Variants in IL4R observed in about 807,000 individuals in gnomAD.
IL4R encodes interleukin 4 receptor.
In IL4R, 17 loss-of-function variants were observed where a neutral mutation model predicts 41.5. That is an observed-to-expected ratio of 0.41 (90% CI 0.28 to 0.61). The LOEUF is 0.61. Among genes scored for constraint, IL4R ranks in the 20% least tolerant of loss-of-function variants. The pLI is 0.31. For synonymous variants in IL4R, 402 were observed against 422.9 expected (o/e 0.95, Z 0.61); for missense variants, 974 against 1,043.1 (o/e 0.93, Z 0.91).
At chr16:27,314,098 G>T in intron 1 of IL4R, 78 bp downstream of exon 1, 1 of 984,970 alleles carries the variant, frequency 1.0e-6, no homozygotes, top group Non-Finnish European at 1.2e-6. Context: ...TTCGGGAAGG[G>T]CTCGGCCGCC....
At chr16:27,322,742 C>G (rs1036938429) in intron 1 of IL4R, among the ~76,000 whole-genome samples, 10 of 152,116 alleles carry the variant, frequency 6.6e-5, no homozygotes, top group African/African-American at 2.2e-4. Context: ...TCCACCTTCT[C>G]TCTTCTAATA....
Position 27,352,592 on chromosome 16 carries a change from G to A in IL4R, c.566G>A (p.Ser189Asn), listed in dbSNP as rs746758355. Reference protein sequence around the residue: ...YLEPSLRIAASTLKSGISYRA... With the variant: ...YLEPSLRIAANTLKSGISYRA... ...GAACCCTCCCTCCGCATCGCAGCCA[G>A]CACCCTGAAGTCTGGGATTTCCTAC... The change falls in exon 7 of 11, where the codon AGC becomes AAC. Residue 189 changes from serine (S) to asparagine (N), a missense_variant. Ser to Asn is a conservative substitution (Grantham distance 46). Coordinates refer to ENST00000395762, the MANE Select transcript of IL4R (RefSeq NM_000418.4). The A allele has an allele frequency of 3.7e-6, 6 of 1,614,072 alleles. No individual in the cohort carries two copies. Among genetic ancestry groups the A allele is most frequent in the East Asian group, 2.2e-5 (1 of 44,884 alleles).
Position 27,357,228 on chromosome 16 carries a change from A to G in IL4R, c.770+1321A>G, listed in dbSNP as rs981377454. 3.9e-5 allele frequency among the ~76,000 whole-genome samples: 6 copies of G among 152,088 alleles called. No individual in the cohort carries two copies. The South Asian group carries it at 1.2e-3, about 32-fold the overall frequency. ...TCACCTGTACCTCTTCCCACTCCCCATCACTATATCCCAGCATGCCAGCCT... is the reference window on the plus strand; with the variant it reads ...TCACCTGTACCTCTTCCCACTCCCCGTCACTATATCCCAGCATGCCAGCCT... On this transcript the variant is annotated intron_variant, in intron 8 of 10. Coordinates refer to ENST00000395762, the MANE Select transcript of IL4R (RefSeq NM_000418.4).
At chr16:27,354,367 C>A (rs1293049592) in intron 7 of IL4R, among the ~76,000 whole-genome samples, 1 of 152,170 alleles carries the variant, frequency 6.6e-6, no homozygotes, top group African/African-American at 2.4e-5. Flanking sequence ...CACTGTCTTA[C>A]ATAAAGCAGG....
upstream of IL4R, chr16:27,313,806 C>CGGCGG: frequency 3.3e-6 from 2 of 610,416 alleles, no homozygotes; most frequent in Non-Finnish European, 4.1e-6. Context: ...GGGACAGCGA[C>CGGCGG]AGGGGCGCGA....
Position 27,364,021 on chromosome 16 carries a change from T to A in IL4R, c.*191T>A. On this transcript the variant is annotated 3_prime_UTR_variant, in exon 11 of 11. Transcript: ENST00000395762. ...GCAGAGACTGGACCCCGCCCAGCAT[T>A]GGGCTGGGCTCGCCACATCCCATGA... 1 of 647,104 alleles carries A rather than the reference T, an allele frequency of 1.5e-6. No individual in the cohort carries two copies. The highest frequency in any genetic ancestry group is 2.6e-6 in the Non-Finnish European group (1 of 381,914). The allele number at this position is 647,104 out of a possible 1,614,324, so 40.1% of individuals were successfully genotyped here. A position where few individuals can be genotyped will look rare whatever the true frequency, so the allele number is the denominator to read the frequency against.
At chr16:27,352,832 C>CCA in intron 7 of IL4R, 136 bp downstream of exon 7, 1 of 874,674 alleles carries the variant, frequency 1.1e-6, no homozygotes, top group Non-Finnish European at 1.8e-6. Flanking sequence ...ATTAGATACA[C>CCA]CTGCCGTGGT....
chr16:27,316,745 G>A (rs961771262), intron 1 of IL4R, among the ~76,000 whole-genome samples: 3 of 152,168 alleles, frequency 2.0e-5, no homozygotes, highest in African/African-American at 7.2e-5. Context: ...TGCTGGCTTT[G>A]CTGCTTACTG....
In IL4R at chr16:27,340,309, T is replaced by C; in HGVS notation, c.70+36T>C. The C allele has an allele frequency of 1.9e-6, 3 of 1,540,220 alleles. No individual in the cohort carries two copies. In the Middle Eastern group the frequency reaches 5.0e-4, roughly 259 times the overall value. On this transcript the variant is annotated intron_variant, in intron 3 of 10. Coordinates refer to ENST00000395762, the MANE Select transcript of IL4R (RefSeq NM_000418.4). ...ACTTCTCAATCATTCATTTGTTGGCTATTAATGGCGTGCCAGGGTCCTGCA... is the reference window on the plus strand; with the variant it reads ...ACTTCTCAATCATTCATTTGTTGGCCATTAATGGCGTGCCAGGGTCCTGCA...
At chr16:27,362,118 C>A in intron 10 of IL4R, 134 bp from the exon 11 acceptor site, 1 of 849,896 alleles carries the variant, frequency 1.2e-6, no homozygotes, top group Non-Finnish European at 1.9e-6. Context: ...TGATCAATTA[C>A]TGATTATAAC....
chr16:27,337,226 G>T (rs1472515736), intron 2 of IL4R, among the ~76,000 whole-genome samples: 1 of 152,126 alleles, frequency 6.6e-6, no homozygotes, highest in Non-Finnish European at 1.5e-5. Flanking sequence ...GTGTGCCCAA[G>T]TCACTCGGAG....
chr16:27,358,021 G>C (rs530651139), intron 8 of IL4R, among the ~76,000 whole-genome samples: 1 of 152,080 alleles, frequency 6.6e-6, no homozygotes, highest in East Asian at 1.9e-4. Context: ...AGCCTCCTGA[G>C]TAGCTGGGAT....
chr16:27,349,260 T>C (rs1567325920), intron 6 of IL4R, among the ~76,000 whole-genome samples: 1 of 152,194 alleles, frequency 6.6e-6, no homozygotes, highest in Non-Finnish European at 1.5e-5. Flanking sequence ...CTAAACCCGA[T>C]GGCATAAAAG....
intron 6 of IL4R, 39 bp from the exon 7 acceptor site, chr16:27,352,501 C>T: frequency 6.2e-7 from 1 of 1,601,852 alleles, no homozygotes; most frequent in Non-Finnish European, 8.5e-7. Context: ...TGCCCCTCGC[C>T]CCCGGCTGGT....
At chr16:27,327,664 C>T (rs1430495079) in intron 1 of IL4R, among the ~76,000 whole-genome samples, 1 of 152,058 alleles carries the variant, frequency 6.6e-6, no homozygotes, top group Non-Finnish European at 1.5e-5. Context: ...AACCACAGTC[C>T]TTAAACACGT....
chr16:27,358,722 T>A (rs1221609024), intron 8 of IL4R, among the ~76,000 whole-genome samples, 194 bp from the exon 9 acceptor site: 4 of 152,140 alleles, frequency 2.6e-5, no homozygotes, highest in African/African-American at 7.2e-5. Context: ...CTCACTCTCC[T>A]CATCTGTAGA....
At chr16:27,330,677 C>T (rs2085090028) in intron 2 of IL4R, among the ~76,000 whole-genome samples, 1 of 152,252 alleles carries the variant, frequency 6.6e-6, no homozygotes, top group South Asian at 2.1e-4. Flanking sequence ...GGCTCAAATT[C>T]TCCTTTTATA....
At position 27,344,884 on chromosome 16, in the gene IL4R, C is replaced by T; in HGVS notation, c.225C>T (p.Ile75=). 6.2e-7 allele frequency: 1 copy of T among 1,614,176 alleles called. No homozygotes were observed. Among genetic ancestry groups the T allele is most frequent in the Non-Finnish European group, 8.5e-7 (1 of 1,180,022 alleles). ...VFLLSEAHTC[I]PENNGGAGCV... is the part of the protein sequence containing the mutation. ...GTGTCTGCAGAGCCCACACGTGTAT[C>T]CCTGAGAACAACGGAGGCGCGGGGT... Residue 75 remains isoleucine, a synonymous_variant, in exon 5 of 11, where the codon ATC becomes ATT. Transcript: ENST00000395762.
chr16:27,343,821 G>A (rs1380232574), intron 4 of IL4R, among the ~76,000 whole-genome samples: 1 of 152,132 alleles, frequency 6.6e-6, no homozygotes, highest in East Asian at 1.9e-4. Context: ...GTGTACACAT[G>A]GGCATTATTC....
Sources: allele counts gnomAD v4.1 joint callset (sites outside exome capture counted in the v4.1 genomes callset), GRCh38; gene constraint gnomAD v4.1.1; transcripts MANE v1.5; gene names NCBI Gene and HGNC (gene_info 2026-07-23, HGNC 2026-07-21).